Variants in XYLT1 observed in about 807,000 individuals in gnomAD.
XYLT1 encodes xylosyltransferase 1, also known as beta-D-xylosyltransferase 1.
In XYLT1, 36 loss-of-function variants were observed where a neutral mutation model predicts 91.3. That is an observed-to-expected ratio of 0.39 (90% CI 0.30 to 0.52). The LOEUF (loss-of-function observed/expected upper bound fraction) is 0.52, where lower values mean the gene tolerates loss of function less well. XYLT1 is among the 20% of genes least tolerant of loss of function. The probability of loss-of-function intolerance (pLI) is 0.68; values close to 1 mark genes in which losing one functional copy is unlikely to be tolerated. For missense variants in XYLT1, 1,242 were observed against 1,284.5 expected (o/e 0.97, Z 0.51); for synonymous variants, 588 against 532.0 (o/e 1.11, Z -1.45).
intron 1 of XYLT1, among the ~76,000 whole-genome samples, chr16:17,402,534 G>T (rs761551923): frequency 6.6e-6 from 1 of 152,016 alleles, no homozygotes; most frequent in Non-Finnish European, 1.5e-5. Context: ...GAAAAAATAG[G>T]ATTCAAACCT....
intron 1 of XYLT1, among the ~76,000 whole-genome samples, chr16:17,386,878 G>T (rs1006709574): frequency 1.4e-4 from 21 of 152,306 alleles, no homozygotes; most frequent in Non-Finnish European, 2.4e-4. Context: ...GGCTAAGAGA[G>T]GGGAAGTGAC....
intron 2 of XYLT1, among the ~76,000 whole-genome samples, chr16:17,332,766 A>C (rs1385424779): frequency 1.3e-5 from 2 of 152,110 alleles, no homozygotes; most frequent in Non-Finnish European, 2.9e-5. Context: ...CAGATAACTA[A>C]ACCTCAAGTT....
intron 1 of XYLT1, among the ~76,000 whole-genome samples, chr16:17,397,391 G>A (rs530771702): frequency 1.3e-5 from 2 of 152,200 alleles, no homozygotes; most frequent in Admixed American, 1.3e-4. Context: ...AAAAACACCC[G>A]AGACAACATT....
At chr16:17,272,152 GGTTTT>G (rs1417700380) in intron 2 of XYLT1, among the ~76,000 whole-genome samples, 1 of 126,736 alleles carries the variant, frequency 7.9e-6, no homozygotes, top group Non-Finnish European at 1.7e-5. Context: ...TTTTGTTGTT[GGTTTT>G]TTTTTTTTTT....
intron 3 of XYLT1, among the ~76,000 whole-genome samples, chr16:17,237,449 G>A (rs1312986904): frequency 1.3e-5 from 2 of 152,124 alleles, no homozygotes; most frequent in African/African-American, 4.8e-5. Flanking sequence ...ATACTGGTTG[G>A]AGGTTTAAGA....
chr16:17,315,142 A>G (rs1006848004), intron 2 of XYLT1, among the ~76,000 whole-genome samples: 1 of 152,224 alleles, frequency 6.6e-6, no homozygotes, highest in Non-Finnish European at 1.5e-5. Context: ...GACTACAGAA[A>G]AAAGCCAGGC....
intron 9 of XYLT1, among the ~76,000 whole-genome samples, chr16:17,132,032 C>G (rs1293526632): frequency 3.3e-5 from 5 of 151,892 alleles, no homozygotes; most frequent in Non-Finnish European, 5.9e-5. Context: ...TACTAGGGAG[C>G]AACCTTCAAC....
intron 1 of XYLT1, among the ~76,000 whole-genome samples, chr16:17,459,111 C>T (rs1239342756): frequency 6.6e-6 from 1 of 152,168 alleles, no homozygotes; most frequent in African/African-American, 2.4e-5. Flanking sequence ...GTGGCTCACG[C>T]CTGTAATCCC....
chr16:17,152,635 C>T (rs1177561211), intron 6 of XYLT1, among the ~76,000 whole-genome samples: 1 of 152,160 alleles, frequency 6.6e-6, no homozygotes, highest in East Asian at 1.9e-4. Context: ...GTTTATACAT[C>T]AAAGGAGGTT....
chr16:17,113,899 G>A (rs575820805), intron 11 of XYLT1, among the ~76,000 whole-genome samples: 35 of 152,198 alleles, frequency 2.3e-4, no homozygotes, highest in Non-Finnish European at 4.6e-4. Flanking sequence ...CTGCCGGGAC[G>A]GTGGGCACCC....
At chr16:17,411,126 A>G (rs2036102159) in intron 1 of XYLT1, among the ~76,000 whole-genome samples, 1 of 151,952 alleles carries the variant, frequency 6.6e-6, no homozygotes, top group Non-Finnish European at 1.5e-5. Context: ...AAATTATTCA[A>G]CTCCCATCTG....
At chr16:17,157,671 A>C (rs1199578588) in intron 6 of XYLT1, among the ~76,000 whole-genome samples, 1 of 152,176 alleles carries the variant, frequency 6.6e-6, no homozygotes, top group African/African-American at 2.4e-5. Flanking sequence ...AAATGATCCC[A>C]AGCACTGCCA....
At chr16:17,224,017 G>A (rs1033531755) in intron 3 of XYLT1, among the ~76,000 whole-genome samples, 14 of 152,210 alleles carry the variant, frequency 9.2e-5, no homozygotes, top group Non-Finnish European at 1.9e-4. Flanking sequence ...AGGCAGAAAG[G>A]CTTGGGTTCA....
intron 1 of XYLT1, among the ~76,000 whole-genome samples, chr16:17,451,155 G>C (rs2036660961): frequency 6.6e-6 from 1 of 152,236 alleles, no homozygotes; most frequent in Non-Finnish European, 1.5e-5. Flanking sequence ...TTCTAAACCA[G>C]TCAACTTTTC....
intron 5 of XYLT1, among the ~76,000 whole-genome samples, chr16:17,161,475 CTG>C (rs1323349540): frequency 6.6e-6 from 1 of 152,180 alleles, no homozygotes; most frequent in Non-Finnish European, 1.5e-5. Flanking sequence ...CGCTCTCCCT[CTG>C]TGTGAAATGC....
intron 5 of XYLT1, among the ~76,000 whole-genome samples, chr16:17,163,428 A>T (rs2141547025): frequency 6.6e-6 from 1 of 152,338 alleles, no homozygotes; most frequent in Admixed American, 6.5e-5. Flanking sequence ...TGCTGGTGGC[A>T]TGTGACAAGA....
chr16:17,448,622 T>TTCC (rs1360962163), intron 1 of XYLT1, among the ~76,000 whole-genome samples: 1 of 147,644 alleles, frequency 6.8e-6, no homozygotes, highest in African/African-American at 2.5e-5. Flanking sequence ...CCTCATCCAA[T>TTCC]TCCTCCTCCT....
intron 1 of XYLT1, among the ~76,000 whole-genome samples, chr16:17,410,342 G>A (rs754816009): frequency 3.9e-5 from 6 of 152,198 alleles, no homozygotes; most frequent in Non-Finnish European, 7.3e-5. Flanking sequence ...TACAAAAAGA[G>A]GTTTATTGGT....
At chr16:17,368,390 G>C (rs1482967995) in intron 1 of XYLT1, among the ~76,000 whole-genome samples, 1 of 152,060 alleles carries the variant, frequency 6.6e-6, no homozygotes, top group Non-Finnish European at 1.5e-5. Context: ...TTAATGAAAC[G>C]ATAGTGACAA....
Sources: gnomAD v4.1 joint callset for allele counts (sites outside exome capture counted in the v4.1 genomes callset) on GRCh38, gnomAD v4.1.1 for gene constraint, MANE v1.5 for transcripts, NCBI Gene and HGNC (gene_info 2026-07-23, HGNC 2026-07-21) for gene names.